PRSS23: variants seen among roughly 807,000 people sequenced by gnomAD.
The protein encoded by PRSS23 is protease, serine 23.
In PRSS23, 25 loss-of-function variants were observed where a neutral mutation model predicts 34.7. That is an observed-to-expected ratio of 0.72 (90% confidence interval 0.53 to 1.01). PRSS23 has a LOEUF of 1.01. PRSS23 is among the 50% of genes least tolerant of loss of function. The probability of loss-of-function intolerance (pLI) is 0.00; values close to 1 mark genes in which losing one functional copy is unlikely to be tolerated. For synonymous variants in PRSS23, 176 were observed against 186.6 expected (o/e 0.94, Z 0.46); for missense variants, 445 against 475.6 (o/e 0.94, Z 0.60).
chr11:86,835,219 G>A (rs1948395596), intron 2 of PRSS23, among the ~76,000 whole-genome samples: 2 of 152,170 alleles, frequency 1.3e-5, no homozygotes, highest in Admixed American at 1.3e-4. Flanking sequence ...CACATCATGA[G>A]ATGTCCACAC....
At position 86,829,909 on chromosome 11, in the gene PRSS23, C is replaced by A. The variant is rs1481679113; in HGVS notation, c.206+6316C>A. On this transcript the variant is annotated intron_variant, in intron 2 of 2. Coordinates refer to the PRSS23 transcript ENST00000533902. Reference sequence around the variant, plus strand: ...GTCAGTCTGCCCCTACTGGGGGGTGCCTCCCAGTTAGGCTGCTCGGGTGTC... The same window carrying A: ...GTCAGTCTGCCCCTACTGGGGGGTGACTCCCAGTTAGGCTGCTCGGGTGTC... Among the ~76,000 whole-genome samples, 3 of 152,274 alleles carry A rather than the reference C, an allele frequency of 2.0e-5. No individual in the cohort carries two copies. In the South Asian group the frequency reaches 6.2e-4, roughly 32 times the overall value.
chr11:86,943,235 T>C (rs758621312), intron 2 of PRSS23, among the ~76,000 whole-genome samples: 1 of 152,266 alleles, frequency 6.6e-6, no homozygotes, highest in African/African-American at 2.4e-5. Context: ...GATAATGCTA[T>C]ATAATCTTTT....
intron 2 of PRSS23, chr11:86,951,014 C>CG (rs1367877171): frequency 4.0e-6 from 4 of 1,005,418 alleles, no homozygotes; most frequent in Non-Finnish European, 4.7e-6. Flanking sequence ...AGTGGGTTGA[C>CG]GGGGGTCACT....
intron 2 of PRSS23, among the ~76,000 whole-genome samples, chr11:86,884,247 T>A (rs1319108890): frequency 6.6e-6 from 1 of 152,190 alleles, no homozygotes; most frequent in Non-Finnish European, 1.5e-5. Flanking sequence ...TTTTTGACCC[T>A]TCCAATTCAC....
chr11:86,834,560 T>C (rs1948389349), intron 2 of PRSS23, among the ~76,000 whole-genome samples: 3 of 64,670 alleles, frequency 4.6e-5, no homozygotes, highest in Non-Finnish European at 9.8e-5. Context: ...CCTTTTTCCT[T>C]TCCTTTCCTT....
At chr11:86,886,488 C>T (rs1380840189) in intron 2 of PRSS23, among the ~76,000 whole-genome samples, 1 of 152,192 alleles carries the variant, frequency 6.6e-6, no homozygotes, top group Non-Finnish European at 1.5e-5. Flanking sequence ...TCTCTGTCTG[C>T]CCAAATCTGC....
intron 2 of PRSS23, among the ~76,000 whole-genome samples, chr11:86,940,041 G>A (rs1283562930): frequency 1.3e-5 from 2 of 152,030 alleles, no homozygotes; most frequent in Non-Finnish European, 2.9e-5. Flanking sequence ...ATTTGAATCG[G>A]CTACTCTAAG....
intron 2 of PRSS23, among the ~76,000 whole-genome samples, chr11:86,867,874 CAAAA>C (rs11352878): frequency 6.8e-5 from 8 of 118,294 alleles, no homozygotes; most frequent in Non-Finnish European, 6.8e-5. Flanking sequence ...GACCCTACCT[CAAAA>C]AAAAAAAAAA....
intron 2 of PRSS23, chr11:86,951,188 C>A: frequency 1.2e-6 from 2 of 1,614,002 alleles, no homozygotes; most frequent in Non-Finnish European, 1.7e-6. Flanking sequence ...CCAACCATTT[C>A]CTCTCTTCTC....
intron 2 of PRSS23, chr11:86,937,651 T>C (rs1269315727): frequency 6.6e-6 from 1 of 152,232 alleles, no homozygotes; most frequent in Non-Finnish European, 1.5e-5. Context: ...GCCATGGCAA[T>C]GTCAGGAAGT....
chr11:86,818,709 C>T (rs1424264207), intron 1 of PRSS23, among the ~76,000 whole-genome samples: 1 of 152,168 alleles, frequency 6.6e-6, no homozygotes, highest in South Asian at 2.1e-4. Flanking sequence ...AGATGCTCAT[C>T]GGCAACTCGT....
intron 2 of PRSS23, among the ~76,000 whole-genome samples, chr11:86,858,763 G>A (rs1415107442): frequency 6.6e-6 from 1 of 151,388 alleles, no homozygotes; most frequent in African/African-American, 2.4e-5. Flanking sequence ...AGTAAAATAG[G>A]ATGATATGAC....
chr11:86,939,403 A>AAAATAT (rs60997928), intron 2 of PRSS23, among the ~76,000 whole-genome samples: 1 of 80,540 alleles, frequency 1.2e-5, no homozygotes, highest in African/African-American at 3.6e-5. Flanking sequence ...TAAAAAAAAA[A>AAAATAT]ATATATATAT....
In PRSS23 at chr11:86,808,424, A is replaced by G; in HGVS notation, c.781A>G (p.Met261Val). Residue 261 changes from methionine (M) to valine (V), a missense_variant, in exon 2 of 2, where the codon ATG becomes GTG. Physicochemically the swap from Met to Val is conservative, Grantham distance 21. Transcript: ENST00000280258. ...CAAAAAGCCCCACAAGAGAAAATTT[A>G]TGAAGATTGGGGTGAGCCCTCCTGC... ...ELKKPHKRKF[M>V]KIGVSPPAKQ... 1 of 1,614,224 alleles carries G rather than the reference A, an allele frequency of 6.2e-7. No homozygotes were observed. Among genetic ancestry groups the G allele is most frequent in the South Asian group, 1.1e-5 (1 of 91,088 alleles).
At chr11:86,833,453 G>T (rs1174135285) in intron 2 of PRSS23, 1 of 490,612 alleles carries the variant, frequency 2.0e-6, no homozygotes, top group Non-Finnish European at 3.8e-6. Context: ...AGATTCTGTG[G>T]GTCTGTATAG....
intron 2 of PRSS23, chr11:86,912,169 G>GAC (rs1312582988): frequency 6.6e-6 from 1 of 152,148 alleles, no homozygotes; most frequent in African/African-American, 2.4e-5. Context: ...GACAAGACAA[G>GAC]AAGGTTTTGC....
intron 2 of PRSS23, chr11:86,921,535 G>A (rs1485352451): frequency 6.6e-6 from 1 of 152,172 alleles, no homozygotes; most frequent in Non-Finnish European, 1.5e-5. Context: ...TAATGTTTCA[G>A]GATGTGATCT....
At chr11:86,887,565 A>G (rs546025302) in intron 2 of PRSS23, among the ~76,000 whole-genome samples, 13 of 152,328 alleles carry the variant, frequency 8.5e-5, no homozygotes, top group Non-Finnish European at 5.9e-5. Context: ...GAAGCACTTT[A>G]AAAAGTCAAA....
upstream of PRSS23, among the ~76,000 whole-genome samples, chr11:86,795,869 T>C (rs191502926): frequency 1.4e-4 from 21 of 152,378 alleles, no homozygotes; most frequent in African/African-American, 5.0e-4. Context: ...TAATCCTTTT[T>C]GATAACTTTC....
Sources: allele counts gnomAD v4.1 joint callset (sites outside exome capture counted in the v4.1 genomes callset), GRCh38; gene constraint gnomAD v4.1.1; transcripts MANE v1.5; gene names NCBI Gene and HGNC (gene_info 2026-07-23, HGNC 2026-07-21).